TTPA: variants seen among roughly 807,000 people sequenced by gnomAD.
TTPA encodes alpha tocopherol transfer protein, also known as alpha-tocopherol transfer protein.
Under a neutral mutation model 25.9 loss-of-function variants are expected in TTPA, and 23 were observed. The ratio of observed to expected loss-of-function variants is 0.89; its 90% CI spans 0.64 to 1.26. The LOEUF is 1.26. Among genes scored for constraint, TTPA ranks in the 50% most tolerant of loss-of-function variants. The probability of loss-of-function intolerance (pLI) is 0.00; values close to 1 mark genes in which losing one functional copy is unlikely to be tolerated. For missense variants in TTPA, 337 were observed against 353.1 expected, an observed-to-expected ratio of 0.95 and a Z score of 0.37; for synonymous variants, 148 against 137.3, an observed-to-expected ratio of 1.08 and a Z score of -0.54.
chr8:63,080,688 C>G lies in TTPA; in HGVS notation c.204+5130G>C, dbSNP rs533884790. ...GTGAGCCGAATCATGCCACTGCACT[C>G]CAGCCTGGGTGACAGAGCGAGACTC... On this transcript the variant is annotated intron_variant, in intron 1 of 4. Transcript: ENST00000260116. Among the ~76,000 whole-genome samples, 271 of 149,634 alleles carry G rather than the reference C, an allele frequency of 1.8e-3. 4 individuals carry two copies. The highest frequency in any genetic ancestry group is 6.5e-3 in the African/African-American group (262 of 40,614).
chr8:63,073,206 A>G, intron 1 of TTPA, 118 bp from the exon 2 acceptor site: 1 of 793,812 alleles, frequency 1.3e-6, no homozygotes, highest in South Asian at 1.6e-5. Context: ...CAAGAGTTTA[A>G]TCTAGGGTAT....
downstream of TTPA, among the ~76,000 whole-genome samples, chr8:63,059,198 AT>A (rs1215517264): frequency 2.7e-5 from 4 of 148,728 alleles, no homozygotes; most frequent in African/African-American, 7.4e-5. Context: ...CGCCCGGCTA[AT>A]TTTTTTGTAT....
At chr8:63,073,339 C>T (rs1348832212) in intron 1 of TTPA, among the ~76,000 whole-genome samples, 1 of 152,122 alleles carries the variant, frequency 6.6e-6, no homozygotes, top group East Asian at 1.9e-4. Context: ...CAAAGACAGC[C>T]ACCAATTCCT....
At chr8:63,062,457 G>C (rs1188793694) in intron 4 of TTPA, among the ~76,000 whole-genome samples, 1 of 152,132 alleles carries the variant, frequency 6.6e-6, no homozygotes, top group African/African-American at 2.4e-5. Flanking sequence ...TATGAGGTTT[G>C]ATGGATGAAA....
rs772224814 is a variant in TTPA, at chr8:63,072,984, G to A, written c.309C>T (p.Val103=). The A allele has an allele frequency of 8.7e-6, 14 of 1,613,974 alleles. No homozygotes were observed. The South Asian group carries it at 1.4e-4, about 16-fold the overall frequency. ...TGCCAGTGGGATCCCTGGATCTCAGGACTCCATGGTAGCCAGCCTTTAGGA... is the reference window on the plus strand; with the variant it reads ...TGCCAGTGGGATCCCTGGATCTCAGAACTCCATGGTAGCCAGCCTTTAGGA... ...IGLLKAGYHG[V]LRSRDPTGSK... is the part of the protein sequence containing the mutation. Residue 103 remains valine, a synonymous_variant, in exon 2 of 5, where the codon GTC becomes GTT. Coordinates refer to ENST00000260116, the MANE Select transcript of TTPA (RefSeq NM_000370.3).
chr8:63,064,170 T>C (rs1275482439), intron 4 of TTPA, 36 bp downstream of exon 4: 1 of 1,439,076 alleles, frequency 6.9e-7, no homozygotes, highest in Non-Finnish European at 9.8e-7. Flanking sequence ...GAATGTTTGG[T>C]GTAGAGGAAC....
At position 63,060,684 on chromosome 8, in the gene TTPA, A is replaced by C. The variant is rs974318768; in HGVS notation, c.*568T>G. 5.2e-5 allele frequency: 8 copies of C among 155,064 alleles called. No homozygotes were observed. Among genetic ancestry groups the C allele is most frequent in the African/African-American group, 1.7e-4 (7 of 41,430 alleles). The allele number at this position is 155,064 out of a possible 1,614,324, so 9.6% of individuals were successfully genotyped here. Reference sequence around the variant, plus strand: ...GCAAGACTCTGTCTGAAAAAAAAAAAAAAAGTTTCTATCGTGTTAATATAC... The same window carrying C: ...GCAAGACTCTGTCTGAAAAAAAAAACAAAAGTTTCTATCGTGTTAATATAC... On this transcript the variant is annotated 3_prime_UTR_variant, in exon 5 of 5. Transcript: ENST00000260116.
intron 4 of TTPA, 92 bp from the exon 5 acceptor site, chr8:63,061,517 C>T: frequency 8.8e-7 from 1 of 1,133,622 alleles, no homozygotes; most frequent in Non-Finnish European, 1.3e-6. Context: ...CTAATAACTT[C>T]TAAAATGGAG....
chr8:63,059,062 C>T (rs1805253406), downstream of TTPA, among the ~76,000 whole-genome samples: 2 of 97,696 alleles, frequency 2.0e-5, no homozygotes, highest in African/African-American at 9.0e-5. Flanking sequence ...GACGGAGTCT[C>T]GCTCTGTCAC....
intron 4 of TTPA, among the ~76,000 whole-genome samples, chr8:63,061,688 A>G (rs1195288102): frequency 6.6e-6 from 1 of 152,204 alleles, no homozygotes; most frequent in East Asian, 1.9e-4. Flanking sequence ...CCTCTTTCAT[A>G]AGTAAATTTT....
intron 1 of TTPA, among the ~76,000 whole-genome samples, chr8:63,081,328 T>C (rs981205473): frequency 3.3e-5 from 5 of 151,820 alleles, no homozygotes; most frequent in Non-Finnish European, 7.4e-5. Context: ...AATGCAAGCC[T>C]GGTTCAACAT....
At chr8:63,079,170 C>A (rs1805619039) in intron 1 of TTPA, among the ~76,000 whole-genome samples, 1 of 152,200 alleles carries the variant, frequency 6.6e-6, no homozygotes, top group Non-Finnish European at 1.5e-5. Flanking sequence ...CTTACAAGAG[C>A]TCCTGAAAGA....
Position 63,085,802 on chromosome 8 carries a change from G to A in TTPA, c.204+16C>T. ...TGAGGTGCGCACTGCCGAGCGCCCT[G>A]GGCACGCACGCTTACCCGCCAGGCC... On this transcript the variant is annotated intron_variant, in intron 1 of 4. Transcript: ENST00000260116. 6.5e-7 allele frequency: 1 copy of A among 1,533,558 alleles called. No homozygotes were observed. Among genetic ancestry groups the A allele is most frequent in the Non-Finnish European group, 8.7e-7 (1 of 1,144,756 alleles). The allele number at this position is 1,533,558 out of a possible 1,614,324, so 95.0% of individuals were successfully genotyped here.
chr8:63,065,836 T>C, intron 3 of TTPA, 68 bp downstream of exon 3: 1 of 1,528,354 alleles, frequency 6.5e-7, no homozygotes, highest in Non-Finnish European at 9.0e-7. Context: ...TCTCTTTGTC[T>C]AACATATAAC....
intron 1 of TTPA, 135 bp downstream of exon 1, chr8:63,085,683 G>C (rs1398877723): frequency 1.9e-6 from 2 of 1,036,646 alleles, no homozygotes; most frequent in African/African-American, 3.3e-5. Context: ...CACGCCGGGT[G>C]GTTAGGGGCG....
intron 1 of TTPA, among the ~76,000 whole-genome samples, chr8:63,078,251 A>G (rs1805603888): frequency 6.6e-6 from 1 of 152,232 alleles, no homozygotes; most frequent in Admixed American, 6.5e-5. Flanking sequence ...GAAAAGCTGA[A>G]AATTCTAAAA....
intron 1 of TTPA, among the ~76,000 whole-genome samples, chr8:63,081,349 A>G (rs1249300109): frequency 6.6e-6 from 1 of 152,220 alleles, no homozygotes; most frequent in Non-Finnish European, 1.5e-5. Context: ...ACACAAATCA[A>G]TAAATGTAAT....
intron 1 of TTPA, among the ~76,000 whole-genome samples, chr8:63,080,503 C>T (rs950251376): frequency 1.6e-4 from 24 of 152,040 alleles, no homozygotes; most frequent in Admixed American, 1.0e-3. Flanking sequence ...AGGCGGATCA[C>T]GACGTCGGGA....
In TTPA at chr8:63,075,545, C is replaced by A. The variant is rs188223045; in HGVS notation, c.205-2457G>T. Among the ~76,000 whole-genome samples the A allele has an allele frequency of 4.6e-5, 7 of 151,766 alleles. No individual in the cohort carries two copies. The East Asian group carries it at 1.2e-3, about 25-fold the overall frequency. On this transcript the variant is annotated intron_variant, in intron 1 of 4. Coordinates refer to ENST00000260116, the MANE Select transcript of TTPA (RefSeq NM_000370.3). Reference sequence around the variant, plus strand: ...CCATCCTGGCCAATATGGTGAAACCCCATCTCTAAAAATACAAAAATTAGC... The same window carrying A: ...CCATCCTGGCCAATATGGTGAAACCACATCTCTAAAAATACAAAAATTAGC...
Sources: allele counts gnomAD v4.1 joint callset (sites outside exome capture counted in the v4.1 genomes callset), GRCh38; gene constraint gnomAD v4.1.1; transcripts MANE v1.5; gene names NCBI Gene and HGNC (gene_info 2026-07-23, HGNC 2026-07-21).